The following AQP7B variants were observed in gnomAD, a reference collection of about 807,000 sequenced individuals.
The protein encoded by AQP7B is aquaporin 7B.
At chr2:94,604,248 G>T in the AQP7B span, 4 of 1,548,442 alleles carry the variant, frequency 2.6e-6, no homozygotes, top group Middle Eastern at 2.4e-4. Flanking sequence ...GCTGTCCTGG[G>T]CATCAGCCCC....
the AQP7B span, chr2:94,603,263 A>G: frequency 7.2e-7 from 1 of 1,393,976 alleles, no homozygotes; most frequent in Non-Finnish European, 9.8e-7. Flanking sequence ...TGATTTGTAA[A>G]AAATAGCTGG....
the AQP7B span, among the ~76,000 whole-genome samples, chr2:94,600,903 G>T: frequency 6.6e-6 from 1 of 150,708 alleles, no homozygotes; most frequent in Non-Finnish European, 1.5e-5. Context: ...AAAATTGGCT[G>T]CGTGCCGAGG....
chr2:94,594,212 C>T, the AQP7B span, among the ~76,000 whole-genome samples: 5 of 152,226 alleles, frequency 3.3e-5, no homozygotes, highest in Admixed American at 2.6e-4. Context: ...TTTGACAGAA[C>T]CTGGCACATG....
chr2:94,604,319 G>T, the AQP7B span: 4 of 1,609,286 alleles, frequency 2.5e-6, no homozygotes, highest in South Asian at 4.4e-5. Flanking sequence ...GGTGCCAGTG[G>T]TGGCACCACT....
chr2:94,601,084 G>T, the AQP7B span, among the ~76,000 whole-genome samples: 8 of 152,118 alleles, frequency 5.3e-5, no homozygotes, highest in Non-Finnish European at 1.2e-4. Context: ...AGAGGCACAA[G>T]AAAGCAAGGC....
the AQP7B span, among the ~76,000 whole-genome samples, chr2:94,588,058 C>T: frequency 6.6e-6 from 1 of 151,716 alleles, no homozygotes; most frequent in Non-Finnish European, 1.5e-5. Flanking sequence ...TGTGTGTTCA[C>T]CTTCTGTGTG....
the AQP7B span, chr2:94,603,803 T>C: frequency 3.9e-6 from 6 of 1,520,700 alleles, no homozygotes; most frequent in African/African-American, 6.9e-5. Flanking sequence ...GCGCTGGTGA[T>C]AAGCATCCTC....
chr2:94,602,745 TCTC>T, the AQP7B span: 1 of 1,016,776 alleles, frequency 9.8e-7, no homozygotes, highest in Non-Finnish European at 1.4e-6. Context: ...CAGGAGGAAG[TCTC>T]CTCTGAACCC....
At chr2:94,599,379 T>C in the AQP7B span, among the ~76,000 whole-genome samples, 1 of 151,764 alleles carries the variant, frequency 6.6e-6, no homozygotes, top group Admixed American at 6.6e-5. Flanking sequence ...CAGCTGCCTC[T>C]CCCCCACCAT....
At chr2:94,599,260 T>A in the AQP7B span, among the ~76,000 whole-genome samples, 1 of 151,998 alleles carries the variant, frequency 6.6e-6, no homozygotes, top group Admixed American at 6.6e-5. Context: ...GGCACCCCCA[T>A]CTGTTCCTGT....
chr2:94,600,519 G>A, the AQP7B span, among the ~76,000 whole-genome samples: 3 of 152,024 alleles, frequency 2.0e-5, no homozygotes, highest in East Asian at 3.9e-4. Flanking sequence ...ATTGCTTAAG[G>A]CCAGGAGCTC....
the AQP7B span, chr2:94,602,562 T>A: frequency 1.9e-6 from 3 of 1,603,970 alleles, no homozygotes; most frequent in South Asian, 3.3e-5. Context: ...GGTGTCAACT[T>A]GGGTTTTGGC....
At chr2:94,591,391 C>T in the AQP7B span, among the ~76,000 whole-genome samples, 8,301 of 152,254 alleles carry the variant, frequency 0.055, 326 homozygotes, top group Middle Eastern at 0.11. Context: ...CCTCTCTAAC[C>T]GAACACCAAG....
At chr2:94,603,360 C>T in the AQP7B span, 5 of 1,590,988 alleles carry the variant, frequency 3.1e-6, no homozygotes, top group Non-Finnish European at 4.3e-6. Flanking sequence ...GGCAGGTTCG[C>T]ATGATAGTCT....
the AQP7B span, among the ~76,000 whole-genome samples, chr2:94,599,965 G>A: frequency 9.9e-5 from 15 of 151,092 alleles, no homozygotes; most frequent in East Asian, 7.8e-4. Context: ...TGCAAGCTCC[G>A]CCTCCTGGGT....
the AQP7B span, chr2:94,603,384 G>A: frequency 1.7e-5 from 27 of 1,603,788 alleles, no homozygotes; most frequent in Non-Finnish European, 2.2e-5. Flanking sequence ...TCTCCGCAGC[G>A]GCCATTCTCC....
the AQP7B span, among the ~76,000 whole-genome samples, chr2:94,588,325 G>A: frequency 7.9e-5 from 12 of 151,984 alleles, no homozygotes; most frequent in East Asian, 2.0e-4. Flanking sequence ...GCTCCAGGAC[G>A]TCACCTCATT....
At chr2:94,590,397 A>AG in the AQP7B span, among the ~76,000 whole-genome samples, 1 of 151,924 alleles carries the variant, frequency 6.6e-6, no homozygotes, top group Non-Finnish European at 1.5e-5. Flanking sequence ...CATGTTGGCC[A>AG]GGCTGGTCTT....
At chr2:94,603,111 C>A in the AQP7B span, 1 of 1,572,148 alleles carries the variant, frequency 6.4e-7, no homozygotes. Flanking sequence ...GTTTCCAGTC[C>A]ATGTGCTGGG....
Sources: gnomAD v4.1 joint callset for allele counts (sites outside exome capture counted in the v4.1 genomes callset) on GRCh38, gnomAD v4.1.1 for gene constraint, MANE v1.5 for transcripts, NCBI Gene and HGNC (gene_info 2026-07-23, HGNC 2026-07-21) for gene names.